The following EPHA6 variants were observed in gnomAD, a reference collection of about 807,000 sequenced individuals.
EPHA6 encodes ephrin type-A receptor 6.
In EPHA6, 50 loss-of-function variants were observed where a neutral mutation model predicts 112.0. The observed-to-expected ratio is 0.45, with a 90% CI of 0.36 to 0.56. The LOEUF (loss-of-function observed/expected upper bound fraction) is 0.56, where lower values mean the gene tolerates loss of function less well. Ranked by LOEUF, EPHA6 falls within the 20% of genes least tolerant of loss-of-function variation. The pLI is 0.00. For missense variants in EPHA6, 1,280 were observed against 1,417.4 expected, an observed-to-expected ratio of 0.90 and a Z score of 1.56; for synonymous variants, 529 against 490.7, an observed-to-expected ratio of 1.08 and a Z score of -1.03.
intron 3 of EPHA6, among the ~76,000 whole-genome samples, chr3:97,101,398 G>A (rs995966026): frequency 9.9e-5 from 15 of 151,906 alleles, no homozygotes; most frequent in African/African-American, 3.4e-4. Flanking sequence ...TTTGTTGTTT[G>A]TGTGTCTGTG....
At chr3:97,354,685 G>A (rs1179201006) in intron 5 of EPHA6, among the ~76,000 whole-genome samples, 1 of 152,126 alleles carries the variant, frequency 6.6e-6, no homozygotes, top group East Asian at 1.9e-4. Flanking sequence ...GGGGTAGAAA[G>A]TTTATTCAAA....
intron 14 of EPHA6, among the ~76,000 whole-genome samples, chr3:97,654,306 T>G (rs2094124755): frequency 6.6e-6 from 1 of 151,966 alleles, no homozygotes; most frequent in Admixed American, 6.6e-5. Context: ...GAGAAAACAT[T>G]AAATAATCAT....
chr3:97,034,042 A>G lies in EPHA6; in HGVS notation c.1114+46049A>G, dbSNP rs150461305. Among the ~76,000 whole-genome samples the G allele has an allele frequency of 1.2e-3, 183 of 152,050 alleles. 1 individual carries two copies. Among genetic ancestry groups the G allele is most frequent in the African/African-American group, 4.2e-3 (174 of 41,530 alleles). On this transcript the variant is annotated intron_variant, in intron 3 of 17. Coordinates refer to ENST00000389672, the MANE Select transcript of EPHA6 (RefSeq NM_001080448.3). ...TTTTTTAAACTTATTGCTGACCACA[A>G]TCTGCCCATCTGTGTCACATTATAA...
At chr3:96,883,656 A>G (rs1185051091) in intron 2 of EPHA6, among the ~76,000 whole-genome samples, 2 of 151,794 alleles carry the variant, frequency 1.3e-5, no homozygotes, top group Non-Finnish European at 2.9e-5. Context: ...TCTCAACACC[A>G]TTTTGTTTGG....
intron 1 of EPHA6, among the ~76,000 whole-genome samples, chr3:96,860,729 T>G (rs1334310728): frequency 6.6e-6 from 1 of 152,074 alleles, no homozygotes; most frequent in Non-Finnish European, 1.5e-5. Flanking sequence ...TTATTAAATA[T>G]AAGACTAGAA....
At chr3:97,627,562 G>C (rs75313234) in intron 13 of EPHA6, among the ~76,000 whole-genome samples, 1,770 of 151,902 alleles carry the variant, frequency 0.012, 32 homozygotes, top group African/African-American at 0.041. Context: ...AAGTATTTAT[G>C]CTTGATGAAC....
rs1409881720 is a variant in EPHA6, at chr3:97,757,606, A to G, written c.*8905A>G. On this transcript the variant is annotated 3_prime_UTR_variant, in exon 18 of 18. Transcript: ENST00000389672. ...CCATCATTAAATATAAAAATAGTATATATAAAGATGCATAAAAAAGGAACT... is the reference window on the plus strand; with the variant it reads ...CCATCATTAAATATAAAAATAGTATGTATAAAGATGCATAAAAAAGGAACT... Among the ~76,000 whole-genome samples, 3 of 151,750 alleles carry G rather than the reference A, an allele frequency of 2.0e-5. No homozygotes were observed. The highest frequency in any genetic ancestry group is 4.4e-5 in the Non-Finnish European group (3 of 67,726).
chr3:97,303,148 A>G (rs879697485), intron 5 of EPHA6, among the ~76,000 whole-genome samples: 3 of 152,138 alleles, frequency 2.0e-5, no homozygotes, highest in Non-Finnish European at 4.4e-5. Context: ...ATACTGAAAC[A>G]GTTATAAAAA....
rs1374928867 is a variant in EPHA6 at position 97,498,299 on chromosome 3, G to A, written c.2200+14240G>A. Among the ~76,000 whole-genome samples, 15 of 145,056 alleles carry A rather than the reference G, an allele frequency of 1.0e-4. No individual in the cohort carries two copies. The Admixed American group carries it at 1.1e-3, about 10-fold the overall frequency. ...ACACAATTGTCCAGTTTCTAAATGT[G>A]CATAGCCAAAGAAAAGCCAAAAGAA... On this transcript the variant is annotated intron_variant, in intron 10 of 17. Coordinates refer to ENST00000389672, the MANE Select transcript of EPHA6 (RefSeq NM_001080448.3).
chr3:97,757,263 G>A lies in EPHA6; in HGVS notation c.*8562G>A, dbSNP rs1230814873. Reference sequence around the variant, plus strand: ...TTACTGGTAATTTTGAAACTAAAGTGCATTTCAAGGATGGGAATCTCTAAT... The same window carrying A: ...TTACTGGTAATTTTGAAACTAAAGTACATTTCAAGGATGGGAATCTCTAAT... On this transcript the variant is annotated 3_prime_UTR_variant, in exon 18 of 18. Transcript: ENST00000389672. Among the ~76,000 whole-genome samples the A allele has an allele frequency of 6.6e-6, 1 of 151,788 alleles. No individual in the cohort carries two copies. Among genetic ancestry groups the A allele is most frequent in the Non-Finnish European group, 1.5e-5 (1 of 67,750 alleles).
At chr3:97,177,430 T>C (rs1286308025) in intron 3 of EPHA6, among the ~76,000 whole-genome samples, 1 of 151,998 alleles carries the variant, frequency 6.6e-6, no homozygotes, top group Non-Finnish European at 1.5e-5. Flanking sequence ...TGTTTCCTTG[T>C]TGATTTTCTG....
intron 6 of EPHA6, among the ~76,000 whole-genome samples, chr3:97,419,096 G>A (rs954982421): frequency 1.3e-5 from 2 of 152,066 alleles, no homozygotes; most frequent in African/African-American, 4.8e-5. Context: ...CCTGAGTTCG[G>A]GAGTTTAACA....
intron 10 of EPHA6, among the ~76,000 whole-genome samples, chr3:97,522,694 A>G (rs1027698841): frequency 6.6e-6 from 1 of 151,800 alleles, no homozygotes; most frequent in Non-Finnish European, 1.5e-5. Context: ...TTGATGGGAG[A>G]TTTTTTAGTG....
At chr3:96,818,066 A>G (rs183175001) in intron 1 of EPHA6, among the ~76,000 whole-genome samples, 59 of 152,064 alleles carry the variant, frequency 3.9e-4, no homozygotes, top group Non-Finnish European at 7.1e-4. Flanking sequence ...TAGTCAATTA[A>G]TTTTCCCTGT....
intron 3 of EPHA6, among the ~76,000 whole-genome samples, chr3:97,002,408 G>GT (rs5851051): frequency 0.016 from 2,307 of 143,042 alleles, 56 homozygotes; most frequent in African/African-American, 0.051. Flanking sequence ...CATGAGGGTT[G>GT]TTTTTTTTTT....
intron 3 of EPHA6, among the ~76,000 whole-genome samples, chr3:97,057,557 C>T (rs1221482215): frequency 6.6e-6 from 1 of 152,140 alleles, no homozygotes; most frequent in Non-Finnish European, 1.5e-5. Flanking sequence ...AAGCAAATCA[C>T]GTGACCAAGG....
chr3:97,183,070 G>A (rs1397469840), intron 3 of EPHA6, among the ~76,000 whole-genome samples: 1 of 151,656 alleles, frequency 6.6e-6, no homozygotes, highest in African/African-American at 2.4e-5. Flanking sequence ...ATTTTTAAAT[G>A]GTGTACATCT....
intron 14 of EPHA6, among the ~76,000 whole-genome samples, chr3:97,716,667 T>G (rs2034253318): frequency 6.6e-6 from 1 of 152,022 alleles, no homozygotes; most frequent in Non-Finnish European, 1.5e-5. Flanking sequence ...CCTGAAGGAC[T>G]TCTTCCTTTC....
chr3:97,723,271 C>A (rs1386096), intron 15 of EPHA6, among the ~76,000 whole-genome samples: 42,699 of 151,932 alleles, frequency 0.28, 6,325 homozygotes, highest in East Asian at 0.38. Flanking sequence ...CAACATAGTC[C>A]ACCATGTAAA....
Sources: allele counts gnomAD v4.1 joint callset (sites outside exome capture counted in the v4.1 genomes callset), GRCh38; gene constraint gnomAD v4.1.1; transcripts MANE v1.5; gene names NCBI Gene and HGNC (gene_info 2026-07-23, HGNC 2026-07-21).